LSAMP: variants seen among roughly 807,000 people sequenced by gnomAD.
LSAMP encodes limbic system associated membrane protein, also known as limbic system-associated membrane protein.
LSAMP carries 7 observed loss-of-function variants against 38.6 expected under a neutral mutation model. The ratio of observed to expected loss-of-function variants is 0.18; its 90% confidence interval spans 0.10 to 0.34. The LOEUF is 0.34. Among genes scored for constraint, LSAMP ranks in the 10% least tolerant of loss-of-function variants. The pLI is 1.00. For missense variants in LSAMP, 313 were observed against 420.0 expected, an observed-to-expected ratio of 0.75 and a Z score of 2.23; for synonymous variants, 154 against 166.8, an observed-to-expected ratio of 0.92 and a Z score of 0.59.
chr3:115,881,037 A>AAAATAAATAAATAAAT (rs141822663), intron 3 of LSAMP, among the ~76,000 whole-genome samples: 54,728 of 142,560 alleles, frequency 0.38, 10,993 homozygotes, highest in Middle Eastern at 0.5. Flanking sequence ...CTCTGTCTCA[A>AAAATAAATAAATAAAT]AAATAAATAA....
intron 1 of LSAMP, among the ~76,000 whole-genome samples, chr3:116,329,223 A>C (rs1245344608): frequency 6.6e-6 from 1 of 152,182 alleles, no homozygotes; most frequent in Non-Finnish European, 1.5e-5. Flanking sequence ...ACAACAGCCC[A>C]GTGAATTTTA....
chr3:115,969,412 A>G (rs1315208776), intron 3 of LSAMP, among the ~76,000 whole-genome samples: 1 of 152,186 alleles, frequency 6.6e-6, no homozygotes, highest in East Asian at 1.9e-4. Context: ...ACATGAAGAG[A>G]TTTAAGCCTG....
intron 3 of LSAMP, among the ~76,000 whole-genome samples, chr3:115,873,092 GGGCACAGT>G (rs1421494629): frequency 1.3e-5 from 2 of 152,048 alleles, no homozygotes; most frequent in Admixed American, 1.3e-4. Flanking sequence ...AATTCAGGCT[GGGCACAGT>G]GGCTCACACC....
At chr3:115,993,364 C>G (rs1015742739) in intron 3 of LSAMP, among the ~76,000 whole-genome samples, 1 of 152,026 alleles carries the variant, frequency 6.6e-6, no homozygotes, top group Non-Finnish European at 1.5e-5. Flanking sequence ...CCTGTGGTGG[C>G]GTATTCATCC....
At chr3:116,233,750 A>T (rs1342094430) in intron 1 of LSAMP, among the ~76,000 whole-genome samples, 1 of 152,124 alleles carries the variant, frequency 6.6e-6, no homozygotes, top group African/African-American at 2.4e-5. Context: ...GTAATGAAGC[A>T]GTATAGGAGA....
At chr3:115,925,380 C>T (rs1252232209) in intron 3 of LSAMP, among the ~76,000 whole-genome samples, 1 of 152,090 alleles carries the variant, frequency 6.6e-6, no homozygotes, top group East Asian at 1.9e-4. Context: ...GACTTCTATG[C>T]CATTTTGGAA....
At chr3:115,888,168 T>C (rs1203825589) in intron 3 of LSAMP, among the ~76,000 whole-genome samples, 1 of 152,006 alleles carries the variant, frequency 6.6e-6, no homozygotes, top group East Asian at 1.9e-4. Flanking sequence ...TACTTTGATT[T>C]AGAAAGCAGC....
chr3:116,232,912 C>A (rs142410331), intron 1 of LSAMP, among the ~76,000 whole-genome samples: 3 of 151,768 alleles, frequency 2.0e-5, no homozygotes, highest in East Asian at 1.9e-4. Context: ...AATTCTTTGG[C>A]CATTTTAGTA....
chr3:116,050,649 T>A (rs1941379862), intron 2 of LSAMP, among the ~76,000 whole-genome samples: 1 of 152,216 alleles, frequency 6.6e-6, no homozygotes, highest in South Asian at 2.1e-4. Context: ...TGCTGTGGCT[T>A]ACATTCACCC....
At chr3:115,814,899 G>A (rs976431257) in intron 6 of LSAMP, among the ~76,000 whole-genome samples, 3 of 152,118 alleles carry the variant, frequency 2.0e-5, no homozygotes, top group Admixed American at 1.3e-4. Flanking sequence ...CTAGCCCAGC[G>A]GACTAAGGCA....
intron 6 of LSAMP, among the ~76,000 whole-genome samples, chr3:115,828,199 A>G (rs1576118543): frequency 6.6e-6 from 1 of 152,174 alleles, no homozygotes; most frequent in East Asian, 1.9e-4. Flanking sequence ...TGCCTGGTAA[A>G]TATGGTGGAA....
intron 3 of LSAMP, among the ~76,000 whole-genome samples, chr3:115,859,387 G>A (rs1024740229): frequency 4.6e-5 from 7 of 152,162 alleles, no homozygotes; most frequent in Non-Finnish European, 8.8e-5. Flanking sequence ...GGAGAGATGT[G>A]ATATAATGAG....
At chr3:116,438,626 A>G (rs1164152575) in intron 1 of LSAMP, among the ~76,000 whole-genome samples, 1 of 152,210 alleles carries the variant, frequency 6.6e-6, no homozygotes, top group Non-Finnish European at 1.5e-5. Flanking sequence ...GTGCTTGAAT[A>G]TGTTGGCACA....
chr3:115,828,739 C>A (rs140024204), intron 6 of LSAMP, among the ~76,000 whole-genome samples: 1 of 152,152 alleles, frequency 6.6e-6, no homozygotes, highest in South Asian at 2.1e-4. Context: ...GTAACTGTTA[C>A]TTTGAAAATT....
intron 1 of LSAMP, among the ~76,000 whole-genome samples, chr3:116,141,754 C>T (rs1709375492): frequency 1.3e-5 from 2 of 151,878 alleles, no homozygotes; most frequent in Admixed American, 6.6e-5. Flanking sequence ...CAAAGATTTG[C>T]TTGTGAGAGC....
chr3:116,022,218 C>T (rs1216212927), intron 2 of LSAMP, among the ~76,000 whole-genome samples: 1 of 148,160 alleles, frequency 6.7e-6, no homozygotes, highest in Non-Finnish European at 1.5e-5. Flanking sequence ...GAAATTTCTC[C>T]CTAAACTCTT....
rs1181169371 is a variant in LSAMP, at chr3:115,809,513, C to T, written c.*804G>A. 6.6e-6 allele frequency: 1 copy of T among 152,370 alleles called. No individual in the cohort carries two copies. The highest frequency in any genetic ancestry group is 1.5e-5 in the Non-Finnish European group (1 of 68,184). The allele number at this position is 152,370 out of a possible 1,614,324, so 9.4% of individuals were successfully genotyped here. On this transcript the variant is annotated 3_prime_UTR_variant, in exon 7 of 7. Transcript: ENST00000490035. ...AGTCTATGTACACATGGACCATTCC[C>T]TTGGCATGCTTTAGAGAGAGACACA...
chr3:116,372,980 T>TGGTG (rs2048448986), intron 1 of LSAMP, among the ~76,000 whole-genome samples: 2 of 151,454 alleles, frequency 1.3e-5, no homozygotes, highest in Non-Finnish European at 3.0e-5. Context: ...TACCAACACC[T>TGGTG]GTACCATTTT....
chr3:115,999,691 C>T (rs1233125067), intron 3 of LSAMP, among the ~76,000 whole-genome samples: 1 of 152,122 alleles, frequency 6.6e-6, no homozygotes, highest in East Asian at 1.9e-4. Flanking sequence ...GGGTTTTTTC[C>T]ATTACCTGGA....
Sources: gnomAD v4.1 joint callset for allele counts (sites outside exome capture counted in the v4.1 genomes callset) on GRCh38, gnomAD v4.1.1 for gene constraint, MANE v1.5 for transcripts, NCBI Gene and HGNC (gene_info 2026-07-23, HGNC 2026-07-21) for gene names.